The following UTP11 variants were observed in gnomAD, a reference collection of about 807,000 sequenced individuals.
The protein encoded by UTP11 is UTP11 small subunit processome component.
In UTP11, 29 loss-of-function variants were observed where a neutral mutation model predicts 39.0. The observed-to-expected ratio is 0.74, with a 90% CI of 0.55 to 1.01. The LOEUF (loss-of-function observed/expected upper bound fraction) is 1.01. Among genes scored for constraint, UTP11 ranks in the 50% least tolerant of loss-of-function variants. UTP11 has a pLI of 0.00. For synonymous variants in UTP11, 111 were observed against 105.0 expected (o/e 1.06, Z -0.35); for missense variants, 281 against 306.0 (o/e 0.92, Z 0.61).
At chr1:38,022,464 C>T (rs947880181) in intron 6 of UTP11, among the ~76,000 whole-genome samples, 2 of 152,106 alleles carry the variant, frequency 1.3e-5, no homozygotes, top group Non-Finnish European at 2.9e-5. Flanking sequence ...TCCTCAGCCT[C>T]CCAAAGTGCT....
chr1:38,017,750 A>G lies in UTP11; in HGVS notation c.208A>G (p.Met70Val). 1.2e-6 allele frequency: 2 copies of G among 1,612,540 alleles called. No homozygotes were observed. Among genetic ancestry groups the G allele is most frequent in the East Asian group, 4.5e-5 (2 of 44,756 alleles). Residue 70 changes from methionine to valine, a missense_variant, in exon 3 of 8, where the codon ATG (methionine) becomes GTG (valine). By Grantham distance (21) the Met-to-Val change is conservative. Transcript: ENST00000373014. ...EKNPDEFYYK[M>V]TRVKLQDGVH... ...AAATCCAGATGAATTCTACTACAAA[A>G]TGACTCGGGTTAAACTCCAGGTGGG...
intron 4 of UTP11, 63 bp from the exon 5 acceptor site, chr1:38,018,996 T>G: frequency 2.4e-6 from 3 of 1,266,378 alleles, no homozygotes; most frequent in East Asian, 2.6e-5. Context: ...TTTTGCAGTT[T>G]TTTTTTTTTT....
intron 4 of UTP11, 89 bp downstream of exon 4, chr1:38,018,666 G>A (rs548979428): frequency 2.0e-6 from 2 of 1,011,378 alleles, no homozygotes; most frequent in Middle Eastern, 2.2e-4. Context: ...ATTTCTTCTG[G>A]CATTTACAAT....
At chr1:38,016,684 T>G (rs11211383) in intron 2 of UTP11, 96,980 of 403,686 alleles carry the variant, frequency 0.24, 12,954 homozygotes, top group Non-Finnish European at 0.28. Context: ...GTGGCTTTGA[T>G]TTGGCTCTGC....
At chr1:38,015,824 C>T (rs1443420401) in intron 1 of UTP11, among the ~76,000 whole-genome samples, 1 of 152,148 alleles carries the variant, frequency 6.6e-6, no homozygotes, top group Non-Finnish European at 1.5e-5. Flanking sequence ...ATAGAAGCTC[C>T]TTGAATCCTC....
chr1:38,023,147 A>G (rs1646747892), intron 7 of UTP11, among the ~76,000 whole-genome samples: 5 of 152,228 alleles, frequency 3.3e-5, no homozygotes, highest in Admixed American at 3.3e-4. Flanking sequence ...AAAATAGACA[A>G]CATTGTGTAG....
At chr1:38,014,662 G>A (rs1308386323) in intron 1 of UTP11, among the ~76,000 whole-genome samples, 4 of 152,140 alleles carry the variant, frequency 2.6e-5, no homozygotes, top group Admixed American at 2.0e-4. Flanking sequence ...TTTTGAGATA[G>A]TGTCTCCCTC....
Position 38,016,287 on chromosome 1 carries a change from AG to A in UTP11, c.64-71del, listed in dbSNP as rs1646706662. ...CACTCCAGAGACTCCTGTGCCTGTT[AG>A]ATGTCGTGTTGATTTGGATATGTGT... On this transcript the variant is annotated intron_variant, in intron 1 of 7. Transcript: ENST00000373014. 2.0e-6 allele frequency: 3 copies of A among 1,468,744 alleles called. No homozygotes were observed. The African/African-American group carries it at 4.2e-5, about 20-fold the overall frequency. 91.0% of individuals were successfully genotyped at this position (1,468,744 alleles called of 1,614,324 possible).
Position 38,017,756 on chromosome 1 carries a change from C to A in UTP11, c.214C>A (p.Arg72=), listed in dbSNP as rs146566085. 6.2e-7 allele frequency: 1 copy of A among 1,611,250 alleles called. No individual in the cohort carries two copies. The highest frequency in any genetic ancestry group is 1.7e-5 in the Admixed American group (1 of 59,608). The change falls in exon 3 of 8, where the codon CGG becomes AGG. Residue 72 remains arginine, a synonymous_variant. Transcript: ENST00000373014. ...NPDEFYYKMT[R]VKLQDGVHII... ...AGATGAATTCTACTACAAAATGACTCGGGTTAAACTCCAGGTGGGTGCCCA... is the reference window on the plus strand; with the variant it reads ...AGATGAATTCTACTACAAAATGACTAGGGTTAAACTCCAGGTGGGTGCCCA...
At chr1:38,017,548 G>A (rs1646712919) in intron 2 of UTP11, 120 bp from the exon 3 acceptor site, 2 of 742,116 alleles carry the variant, frequency 2.7e-6, no homozygotes, top group Non-Finnish European at 2.1e-6. Context: ...TGGCTTTTTT[G>A]AGTTTCACTC....
At chr1:38,014,798 G>T (rs138949538) in intron 1 of UTP11, among the ~76,000 whole-genome samples, 2 of 152,168 alleles carry the variant, frequency 1.3e-5, no homozygotes, top group Non-Finnish European at 2.9e-5. Context: ...GTGACACCCA[G>T]CTAATTTTAT....
At chr1:38,021,178 C>T (rs528929046) in intron 6 of UTP11, among the ~76,000 whole-genome samples, 134 of 152,260 alleles carry the variant, frequency 8.8e-4, no homozygotes, top group Non-Finnish European at 1.4e-3. Context: ...ACCTCAGCCT[C>T]CCAAAGTGCA....
At position 38,019,163 on chromosome 1, in the gene UTP11, T is replaced by A. The variant is rs1431333837; in HGVS notation, c.436+11T>A. The A allele has an allele frequency of 6.2e-7, 1 of 1,613,964 alleles. No homozygotes were observed. Among genetic ancestry groups the A allele is most frequent in the South Asian group, 1.1e-5 (1 of 91,050 alleles). On this transcript the variant is annotated intron_variant, in intron 5 of 7. Coordinates refer to ENST00000373014, the MANE Select transcript of UTP11 (RefSeq NM_016037.4). ...ACACCAAAAAGGAAGGTATGAAATG[T>A]TTGAAGGTTTCTGGGACAGTCTACC...
In UTP11 at chr1:38,016,345, CTTTT is replaced by C. The variant is rs1345677857; in HGVS notation, c.64-13_64-10del. The C allele has an allele frequency of 6.2e-7, 1 of 1,614,030 alleles. No individual in the cohort carries two copies. Among genetic ancestry groups the C allele is most frequent in the Non-Finnish European group, 8.5e-7 (1 of 1,179,920 alleles). On this transcript the variant is annotated splice_polypyrimidine_tract_variant and intron_variant, in intron 1 of 7. Coordinates refer to ENST00000373014, the MANE Select transcript of UTP11 (RefSeq NM_016037.4). ...AGGAAACTAAGCACTGTTGTTCTTT[CTTTT>C]GTCTTCTAGCCTGGCTTTCGAAAAC...
At position 38,018,491 on chromosome 1, in the gene UTP11, A is replaced by G. The variant is rs1026796582; in HGVS notation, c.256A>G (p.Lys86Glu). ...TGGAGTACATATTATTAAGGAGACT[A>G]AGGAAGAAGTAACCCCAGAACAACT... ...QDGVHIIKET[K>E]EEVTPEQLKL... The change falls in exon 4 of 8, where the codon AAG becomes GAG. Residue 86 changes from lysine to glutamate, a missense_variant. By Grantham distance (56) the Lys-to-Glu change is moderately conservative. Transcript: ENST00000373014. 2 of 1,613,350 alleles carry G rather than the reference A, an allele frequency of 1.2e-6. No individual in the cohort carries two copies. The highest frequency in any genetic ancestry group is 2.7e-5 in the African/African-American group (2 of 74,884).
intron 1 of UTP11, among the ~76,000 whole-genome samples, chr1:38,015,445 G>A (rs186148243): frequency 6.6e-6 from 1 of 152,282 alleles, no homozygotes; most frequent in East Asian, 1.9e-4. Flanking sequence ...TTTTGGCTCT[G>A]CTACTTATTA....
chr1:38,012,927 C>T (rs978981636), intron 1 of UTP11, 62 bp downstream of exon 1: 44 of 1,603,924 alleles, frequency 2.7e-5, no homozygotes, highest in Non-Finnish European at 3.5e-5. Flanking sequence ...CTTGCCCCAA[C>T]CCTGTCGCCA....
intron 1 of UTP11, among the ~76,000 whole-genome samples, chr1:38,013,253 TG>T (rs151263253): frequency 0.029 from 4,447 of 152,300 alleles, 202 homozygotes; most frequent in African/African-American, 0.096. Flanking sequence ...CTGCTGCATA[TG>T]GGGGCCCTGA....
chr1:38,012,762 A>T lies in UTP11; in HGVS notation c.-41A>T, dbSNP rs561704515. 1 of 1,613,792 alleles carries T rather than the reference A, an allele frequency of 6.2e-7. No homozygotes were observed. Reference sequence around the variant, plus strand: ...GGACTTGGCGGCAGAGGCAGTGCGGATCCGGCGTTCTCCACTGATCTTTTC... The same window carrying T: ...GGACTTGGCGGCAGAGGCAGTGCGGTTCCGGCGTTCTCCACTGATCTTTTC... On this transcript the variant is annotated 5_prime_UTR_variant, in exon 1 of 8. Transcript: ENST00000373014.
Sources: gnomAD v4.1 joint callset for allele counts (sites outside exome capture counted in the v4.1 genomes callset) on GRCh38, gnomAD v4.1.1 for gene constraint, MANE v1.5 for transcripts, NCBI Gene and HGNC (gene_info 2026-07-23, HGNC 2026-07-21) for gene names.